Variants in TRMT11 observed in about 807,000 individuals in gnomAD.
TRMT11 encodes the protein tRNA (guanine(10)-N(2))-methyltransferase TRMT11.
In TRMT11, 53 loss-of-function variants were observed where a neutral mutation model predicts 62.8. The observed-to-expected ratio is 0.84, with a 90% CI of 0.68 to 1.06. The LOEUF (loss-of-function observed/expected upper bound fraction) is 1.06. Among genes scored for constraint, TRMT11 ranks in the 50% least tolerant of loss-of-function variants. TRMT11 has a pLI of 0.00. For missense variants in TRMT11, 556 were observed against 553.4 expected (o/e 1.00, Z -0.05); for synonymous variants, 188 against 190.3 (o/e 0.99, Z 0.10).
chr6:126,241,910 T>C, the TRMT11 span, among the ~76,000 whole-genome samples: 11 of 152,208 alleles, frequency 7.2e-5, no homozygotes, highest in African/African-American at 2.4e-4. Flanking sequence ...TCCTATTCAA[T>C]ATAGTGTTGG....
intron 1 of TRMT11, among the ~76,000 whole-genome samples, chr6:126,182,388 T>TCA (rs1255231069): frequency 1.3e-5 from 2 of 149,748 alleles, no homozygotes; most frequent in Admixed American, 6.6e-5. Context: ...TCCCACTTCT[T>TCA]GGTGGTCGTT....
At chr6:125,997,176 C>G (rs1472491399) in intron 3 of TRMT11, among the ~76,000 whole-genome samples, 1 of 151,964 alleles carries the variant, frequency 6.6e-6, no homozygotes, top group African/African-American at 2.4e-5. Context: ...CTGAGGTATA[C>G]CTTAAGTGAT....
downstream of TRMT11, among the ~76,000 whole-genome samples, chr6:126,040,288 A>G (rs1775836572): frequency 6.6e-6 from 1 of 152,062 alleles, no homozygotes; most frequent in Non-Finnish European, 1.5e-5. Flanking sequence ...ATTTGAAATT[A>G]TTTGTTATTA....
At chr6:126,239,398 G>T in the TRMT11 span, among the ~76,000 whole-genome samples, 1 of 152,100 alleles carries the variant, frequency 6.6e-6, no homozygotes, top group East Asian at 1.9e-4. Context: ...TTTAGGGCAG[G>T]CCTGGTGGTG....
At chr6:126,127,154 G>C (rs62426455) in intron 21 of TRMT11, among the ~76,000 whole-genome samples, 2,999 of 152,252 alleles carry the variant, frequency 0.02, 41 homozygotes, top group Non-Finnish European at 0.028. Flanking sequence ...TACCACCAAA[G>C]GAGGGAGGGA....
chr6:126,150,039 G>A lies in TRMT11; in HGVS notation c.*1824-24786G>A, dbSNP rs144802030. On this transcript the variant is annotated intron_variant and NMD_transcript_variant, in intron 21 of 22. Transcript: ENST00000648977. ...GTTGAAATTTAATCCCTAATGTTGC[G>A]GTATTGAGAGGTGAGGCCTTTAAGA... Among the ~76,000 whole-genome samples, 1,247 of 152,166 alleles carry A rather than the reference G, an allele frequency of 8.2e-3. 13 individuals carry two copies. The highest frequency in any genetic ancestry group is 0.029 in the African/African-American group (1,184 of 41,520).
chr6:126,222,800 T>G, the TRMT11 span, among the ~76,000 whole-genome samples: 1 of 152,244 alleles, frequency 6.6e-6, no homozygotes, highest in Non-Finnish European at 1.5e-5. Context: ...GCCTTTTAAG[T>G]GGACACATTT....
intron 21 of TRMT11, among the ~76,000 whole-genome samples, chr6:126,119,015 C>T (rs183127231): frequency 2.6e-5 from 4 of 152,122 alleles, no homozygotes; most frequent in Non-Finnish European, 2.9e-5. Flanking sequence ...AGTTGACAGA[C>T]ATGGGCTTTC....
chr6:126,144,611 C>T (rs998751697), intron 21 of TRMT11, among the ~76,000 whole-genome samples: 1 of 152,196 alleles, frequency 6.6e-6, no homozygotes, highest in Non-Finnish European at 1.5e-5. Context: ...ATATCCCTCA[C>T]TTTTGCCCAA....
chr6:126,204,273 G>C (rs1422874172), downstream of TRMT11, among the ~76,000 whole-genome samples: 1 of 152,110 alleles, frequency 6.6e-6, no homozygotes, highest in Non-Finnish European at 1.5e-5. Flanking sequence ...ACTGTGGCAG[G>C]TGCAGAATGC....
chr6:126,164,671 A>G (rs762098559), intron 21 of TRMT11, among the ~76,000 whole-genome samples: 1 of 152,164 alleles, frequency 6.6e-6, no homozygotes, highest in Admixed American at 6.5e-5. Context: ...TATTGGGTGC[A>G]TATATATTTA....
At position 126,078,393 on chromosome 6, in the gene TRMT11, GAAA is replaced by G. The variant is rs1189756444; in HGVS notation, c.*1437+25204_*1437+25206del. On this transcript the variant is annotated intron_variant and NMD_transcript_variant, in intron 17 of 22. Transcript: ENST00000648977. ...TGCATCTGGTTTGCATTTTTTATTA[GAAA>G]GGTTTTTTTTTTTTTGAGTTGGACT... 1.9e-3 allele frequency among the ~76,000 whole-genome samples: 280 copies of G among 150,074 alleles called. 1 individual carries two copies. The highest frequency in any genetic ancestry group is 6.7e-3 in the African/African-American group (272 of 40,492).
chr6:126,098,862 G>GA (rs1295259970), intron 17 of TRMT11, among the ~76,000 whole-genome samples: 2 of 152,136 alleles, frequency 1.3e-5, no homozygotes, highest in Non-Finnish European at 2.9e-5. Flanking sequence ...CCACAAAGGG[G>GA]ATTTTTTTTA....
At chr6:126,135,738 A>C (rs12205088) in intron 21 of TRMT11, among the ~76,000 whole-genome samples, 39,412 of 151,544 alleles carry the variant, frequency 0.26, 5,633 homozygotes, top group Middle Eastern at 0.42. Context: ...AAATGCCCCC[A>C]AAAATACTAG....
At chr6:126,083,601 A>G (rs1777183771) in intron 17 of TRMT11, among the ~76,000 whole-genome samples, 1 of 152,168 alleles carries the variant, frequency 6.6e-6, no homozygotes, top group South Asian at 2.1e-4. Flanking sequence ...CAGCTCACAC[A>G]CTTTGCCATT....
the TRMT11 span, among the ~76,000 whole-genome samples, chr6:126,239,338 G>T: frequency 2.6e-5 from 4 of 152,104 alleles, no homozygotes; most frequent in African/African-American, 9.7e-5. Flanking sequence ...TTTTGCAGTG[G>T]CTGGTACCGG....
the TRMT11 span, among the ~76,000 whole-genome samples, chr6:126,267,821 C>T: frequency 6.6e-6 from 1 of 152,116 alleles, no homozygotes; most frequent in African/African-American, 2.4e-5. Flanking sequence ...AGAATAATGA[C>T]CTCTCCTGTT....
intron 2 of TRMT11, among the ~76,000 whole-genome samples, chr6:125,994,206 T>C (rs1791075155): frequency 6.6e-6 from 1 of 152,220 alleles, no homozygotes; most frequent in African/African-American, 2.4e-5. Flanking sequence ...GAGCTTTGTA[T>C]TTTGCATAAA....
chr6:126,234,658 T>A, the TRMT11 span, among the ~76,000 whole-genome samples: 1 of 152,176 alleles, frequency 6.6e-6, no homozygotes, highest in Non-Finnish European at 1.5e-5. Flanking sequence ...TTTATATTAA[T>A]AATACATTTC....
Sources: gnomAD v4.1 joint callset for allele counts (sites outside exome capture counted in the v4.1 genomes callset) on GRCh38, gnomAD v4.1.1 for gene constraint, MANE v1.5 for transcripts, NCBI Gene and HGNC (gene_info 2026-07-23, HGNC 2026-07-21) for gene names.